MCM5: variants seen among roughly 807,000 people sequenced by gnomAD.
The protein encoded by MCM5 is minichromosome maintenance complex component 5, also known as DNA replication licensing factor MCM5.
A neutral mutation model predicts 79.9 loss-of-function variants in MCM5; 46 were observed. That is an observed-to-expected ratio of 0.58 (90% CI 0.45 to 0.74). The LOEUF is 0.74. Among genes scored for constraint, MCM5 ranks in the 30% least tolerant of loss-of-function variants. The pLI is 0.00. For missense variants in MCM5, 883 were observed against 1,017.0 expected (o/e 0.87, Z 1.79); for synonymous variants, 404 against 390.5 (o/e 1.03, Z -0.41).
chr22:35,406,299 T>TC (rs57728496), intron 4 of MCM5, among the ~76,000 whole-genome samples: 13 of 128,634 alleles, frequency 1.0e-4, no homozygotes, highest in East Asian at 4.3e-4. Flanking sequence ...CCCTGCCACC[T>TC]CCCCCCCCAA....
At chr22:35,436,433 A>G in the MCM5 span, among the ~76,000 whole-genome samples, 1 of 152,100 alleles carries the variant, frequency 6.6e-6, no homozygotes, top group Non-Finnish European at 1.5e-5. Context: ...GTTTCCACCA[A>G]AGCCCTCTCT....
At chr22:35,443,526 G>GCCA in the MCM5 span, among the ~76,000 whole-genome samples, 4 of 152,340 alleles carry the variant, frequency 2.6e-5, no homozygotes, top group South Asian at 8.3e-4. Context: ...TCCTCTCAGG[G>GCCA]CCACGCCAGT....
At chr22:35,453,116 G>T in the MCM5 span, among the ~76,000 whole-genome samples, 1 of 152,174 alleles carries the variant, frequency 6.6e-6, no homozygotes, top group African/African-American at 2.4e-5. Context: ...CTCCCTCCTG[G>T]CTTCTGCCCC....
intron 2 of MCM5, chr22:35,401,437 A>T (rs967365774): frequency 6.4e-6 from 3 of 471,180 alleles, no homozygotes; most frequent in Non-Finnish European, 8.8e-6. Flanking sequence ...GGGCTGCAGC[A>T]CTGAAGCTGG....
intron 13 of MCM5, among the ~76,000 whole-genome samples, chr22:35,418,251 TA>T (rs1299158981): frequency 6.6e-6 from 1 of 152,186 alleles, no homozygotes; most frequent in Non-Finnish European, 1.5e-5. Context: ...AGGATTTTTG[TA>T]AGGATTGCAC....
intron 2 of MCM5, chr22:35,401,678 C>T (rs540504625): frequency 1.1e-5 from 5 of 471,116 alleles, no homozygotes; most frequent in African/African-American, 1.0e-4. Flanking sequence ...GCTGATATTG[C>T]CCACCTGTGT....
chr22:35,428,853 C>T (rs1021667316), downstream of MCM5, among the ~76,000 whole-genome samples: 1 of 151,742 alleles, frequency 6.6e-6, no homozygotes, highest in Non-Finnish European at 1.5e-5. Flanking sequence ...TATTCACAGG[C>T]ATAGTCACAG....
At position 35,424,420 on chromosome 22, in the gene MCM5, C is replaced by T; in HGVS notation, c.*165C>T. The stretch of plus-strand genomic sequence containing the variant: ...AGGAAGGAGCTGTAGTGTCCTGCTG[C>T]CTCTGGGCGCCCGCCTCTAGCGCGG... On this transcript the variant is annotated 3_prime_UTR_variant, in exon 17 of 17. Transcript: ENST00000216122. 1.8e-6 allele frequency: 1 copy of T among 569,124 alleles called. No homozygotes were observed. Among genetic ancestry groups the T allele is most frequent in the Non-Finnish European group, 3.1e-6 (1 of 326,904 alleles). 35.3% of individuals were successfully genotyped at this position (569,124 alleles called of 1,614,324 possible). A position where few individuals can be genotyped will look rare whatever the true frequency, so the allele number is the denominator to read the frequency against.
downstream of MCM5, among the ~76,000 whole-genome samples, chr22:35,427,101 G>A (rs1050757021): frequency 1.3e-5 from 2 of 152,200 alleles, no homozygotes; most frequent in Non-Finnish European, 2.9e-5. Context: ...AAGCCTAAGC[G>A]CAGGTATCAC....
rs753606587 is a variant in MCM5 at position 35,416,722 on chromosome 22, G to T, written c.1498G>T (p.Gly500Trp). ...SVFGRWDETK[G>W]EDNIDFMPTI... ...GTTCGGCCGCTGGGATGAGACGAAG[G>T]GGGAGGACAACATTGACTTCATGCC... The change falls in exon 12 of 17, where the codon GGG becomes TGG. Residue 500 changes from glycine to tryptophan, a missense_variant. This residue lies in a region of MCM5 where 426 missense variants were observed against 482.3 expected (regional missense o/e 0.88). Transcript: ENST00000216122. 18 of 1,614,060 alleles carry T rather than the reference G, an allele frequency of 1.1e-5. No individual in the cohort carries two copies. Among genetic ancestry groups the T allele is most frequent in the African/African-American group, 5.3e-5 (4 of 74,920 alleles).
chr22:35,420,370 C>T (rs1159709583), intron 14 of MCM5, among the ~76,000 whole-genome samples: 1 of 152,208 alleles, frequency 6.6e-6, no homozygotes, highest in Non-Finnish European at 1.5e-5. Flanking sequence ...TTCTCTGGCC[C>T]TCAGTGCTTT....
chr22:35,405,542 T>G (rs193083688), intron 4 of MCM5, among the ~76,000 whole-genome samples: 1 of 151,520 alleles, frequency 6.6e-6, no homozygotes, highest in Non-Finnish European at 1.5e-5. Flanking sequence ...AATTTTTGTA[T>G]TTTTAGTAGA....
chr22:35,421,808 G>T (rs1257625541), intron 15 of MCM5: 1 of 356,684 alleles, frequency 2.8e-6, no homozygotes, highest in African/African-American at 2.1e-5. Flanking sequence ...CTTGCATTTT[G>T]CCTTACAGCT....
the MCM5 span, among the ~76,000 whole-genome samples, chr22:35,435,860 C>G: frequency 6.6e-6 from 1 of 152,128 alleles, no homozygotes; most frequent in African/African-American, 2.4e-5. Flanking sequence ...GTGCTTCCCC[C>G]AGTTGAATGA....
intron 13 of MCM5, 43 bp from the exon 14 acceptor site, chr22:35,419,841 G>T: frequency 6.4e-7 from 1 of 1,555,500 alleles, no homozygotes; most frequent in Non-Finnish European, 8.7e-7. Context: ...TGCCCTAAGA[G>T]TCCCTCCTGG....
At chr22:35,439,635 C>T in the MCM5 span, among the ~76,000 whole-genome samples, 1 of 152,194 alleles carries the variant, frequency 6.6e-6, no homozygotes, top group Non-Finnish European at 1.5e-5. Flanking sequence ...CCCTCCCTGC[C>T]TTTTAGGGAA....
At chr22:35,410,947 A>G (rs1932366718) in intron 7 of MCM5, 37 bp downstream of exon 7, 1 of 1,544,318 alleles carries the variant, frequency 6.5e-7, no homozygotes, top group African/African-American at 1.4e-5. Context: ...AGCCCTGCTA[A>G]AAGGCTGTGC....
the MCM5 span, among the ~76,000 whole-genome samples, chr22:35,447,724 C>T: frequency 1.3e-5 from 2 of 152,190 alleles, no homozygotes; most frequent in South Asian, 4.1e-4. Context: ...GTCTCCGCCT[C>T]CCAAAGTGCT....
At position 35,403,295 on chromosome 22, in the gene MCM5, G is replaced by A. The variant is rs752756782; in HGVS notation, c.256G>A (p.Asp86Asn). The A allele has an allele frequency of 1.2e-5, 20 of 1,614,144 alleles. No homozygotes were observed. The highest frequency in any genetic ancestry group is 4.0e-5 in the African/African-American group (3 of 75,034). Residue 86 changes from aspartate to asparagine, a missense_variant, in exon 3 of 17, where the codon GAC becomes AAC. Transcript: ENST00000216122. Reference protein sequence around the residue: ...DLASFDEDLADYLYKQPAEHL... With the variant: ...DLASFDEDLANYLYKQPAEHL... Reference sequence around the variant, plus strand: ...GGCCAGCTTTGATGAGGACCTGGCCGACTACTTGTACAAGCAGCCAGCCGA... The same window carrying A: ...GGCCAGCTTTGATGAGGACCTGGCCAACTACTTGTACAAGCAGCCAGCCGA...
Sources: allele counts gnomAD v4.1 joint callset (sites outside exome capture counted in the v4.1 genomes callset), GRCh38; gene constraint gnomAD v4.1.1; regional missense constraint gnomAD v4.1.1; transcripts MANE v1.5; gene names NCBI Gene and HGNC (gene_info 2026-07-23, HGNC 2026-07-21).